The following NUP35 variants were observed in gnomAD, a reference collection of about 807,000 sequenced individuals.
The protein encoded by NUP35 is nucleoporin NUP35.
NUP35 carries 25 observed loss-of-function variants against 41.5 expected under a neutral mutation model. The ratio of observed to expected loss-of-function variants is 0.60; its 90% CI spans 0.44 to 0.84. The LOEUF (loss-of-function observed/expected upper bound fraction) is 0.84. NUP35 is among the 40% of genes least tolerant of loss of function. The pLI is 0.00. For missense variants in NUP35, 396 were observed against 396.6 expected, an observed-to-expected ratio of 1.00 and a Z score of 0.01; for synonymous variants, 149 against 130.7, an observed-to-expected ratio of 1.14 and a Z score of -0.96.
intron 4 of NUP35, among the ~76,000 whole-genome samples, chr2:183,137,842 G>T (rs892863863): frequency 7.6e-4 from 115 of 151,194 alleles, no homozygotes; most frequent in African/African-American, 2.7e-3. Flanking sequence ...ACATTTTAGT[G>T]GCTCTCTTAG....
chr2:183,133,251 C>G (rs1684756179), intron 3 of NUP35, among the ~76,000 whole-genome samples: 1 of 151,410 alleles, frequency 6.6e-6, no homozygotes, highest in Admixed American at 6.6e-5. Context: ...ACCATTATCT[C>G]TGTTATTTCA....
At chr2:183,159,214 T>A (rs1685780613) in intron 7 of NUP35, among the ~76,000 whole-genome samples, 1 of 152,152 alleles carries the variant, frequency 6.6e-6, no homozygotes, top group Non-Finnish European at 1.5e-5. Context: ...CCTTGCTGAT[T>A]TTTCATAGTG....
chr2:183,157,169 A>G (rs1185481455), intron 5 of NUP35, among the ~76,000 whole-genome samples: 1 of 152,210 alleles, frequency 6.6e-6, no homozygotes, highest in Non-Finnish European at 1.5e-5. Context: ...TAAGACCTGG[A>G]TAATGGCAAC....
rs1167235351 is a variant in NUP35 at position 183,130,469 on chromosome 2, C to T, written c.263C>T (p.Ala88Val). 1 of 1,610,416 alleles carries T rather than the reference C, an allele frequency of 6.2e-7. No individual in the cohort carries two copies. The highest frequency in any genetic ancestry group is 1.1e-5 in the South Asian group (1 of 90,986). Residue 88 changes from alanine to valine, a missense_variant, in exon 3 of 9, where the codon GCT (alanine) becomes GTT (valine). By Grantham distance (64) the Ala-to-Val change is moderately conservative (BLOSUM62 0). Coordinates refer to ENST00000295119, the MANE Select transcript of NUP35 (RefSeq NM_138285.5). ...VVPAHKDKSG[A>V]PPVRSIYDDI... ...CCAGCTCATAAAGATAAAAGTGGCG[C>T]TCCACCAGTTAGAAGTATATATGAT...
intron 5 of NUP35, among the ~76,000 whole-genome samples, chr2:183,153,888 A>G (rs1685556208): frequency 6.6e-6 from 1 of 152,102 alleles, no homozygotes; most frequent in East Asian, 1.9e-4. Flanking sequence ...TGAGGGCCCC[A>G]CCCCTGCAGC....
intron 4 of NUP35, among the ~76,000 whole-genome samples, chr2:183,138,269 A>ATATTTTTT: frequency 2.5e-5 from 2 of 80,690 alleles, no homozygotes; most frequent in African/African-American, 1.2e-4. Context: ...ATATATATAT[A>ATATTTTTT]TTTTTTTTTT....
intron 4 of NUP35, among the ~76,000 whole-genome samples, chr2:183,135,498 C>T (rs1174463528): frequency 6.6e-6 from 1 of 152,064 alleles, no homozygotes; most frequent in Non-Finnish European, 1.5e-5. Flanking sequence ...GGTCTTTACC[C>T]AGAAAAGGTG....
Position 183,152,247 on chromosome 2 carries a change from T to G in NUP35, c.539+598T>G, listed in dbSNP as rs572106761. On this transcript the variant is annotated intron_variant, in intron 5 of 8. Coordinates refer to ENST00000295119, the MANE Select transcript of NUP35 (RefSeq NM_138285.5). Reference sequence around the variant, plus strand: ...CTTGTTACATTTTTGAATAGATTTTTAGGTCCAAAAAAAACTTTAAAATGC... The same window carrying G: ...CTTGTTACATTTTTGAATAGATTTTGAGGTCCAAAAAAAACTTTAAAATGC... Among the ~76,000 whole-genome samples the G allele has an allele frequency of 1.4e-4, 22 of 152,280 alleles. No individual in the cohort carries two copies. In the East Asian group the frequency reaches 4.2e-3, roughly 29 times the overall value.
At chr2:183,150,229 A>C (rs898352404) in intron 4 of NUP35, among the ~76,000 whole-genome samples, 1 of 152,060 alleles carries the variant, frequency 6.6e-6, no homozygotes, top group African/African-American at 2.4e-5. Context: ...TTTACTATCA[A>C]AGTTTTAGTC....
intron 4 of NUP35, among the ~76,000 whole-genome samples, chr2:183,135,369 A>G (rs1300042821): frequency 6.6e-6 from 1 of 152,138 alleles, no homozygotes; most frequent in Non-Finnish European, 1.5e-5. Context: ...TCAAGGAAGA[A>G]TAAGGGGATG....
rs369130221 is a variant in NUP35, at chr2:183,126,140, A to G, written c.40+1643A>G. Among the ~76,000 whole-genome samples, 134 of 152,122 alleles carry G rather than the reference A, an allele frequency of 8.8e-4. 4 individuals carry two copies. In the South Asian group the frequency reaches 0.026, roughly 29 times the overall value. Reference sequence around the variant, plus strand: ...CAACCTCCCCCTCCGGGCTCAAGCAATCCTCCCACCTCAGCCTCCCAGGGG... The same window carrying G: ...CAACCTCCCCCTCCGGGCTCAAGCAGTCCTCCCACCTCAGCCTCCCAGGGG... On this transcript the variant is annotated intron_variant, in intron 1 of 8. Coordinates refer to ENST00000295119, the MANE Select transcript of NUP35 (RefSeq NM_138285.5).
intron 1 of NUP35, among the ~76,000 whole-genome samples, chr2:183,127,744 C>T (rs896329240): frequency 2.0e-5 from 3 of 152,096 alleles, no homozygotes; most frequent in African/African-American, 7.2e-5. Flanking sequence ...TTTTAAACCC[C>T]TGAAATAATG....
At chr2:183,139,378 T>C (rs1158781362) in intron 4 of NUP35, among the ~76,000 whole-genome samples, 1 of 152,054 alleles carries the variant, frequency 6.6e-6, no homozygotes, top group Admixed American at 6.6e-5. Flanking sequence ...TACCCAGCCC[T>C]TTGTAAATGT....
At chr2:183,141,415 C>T (rs1455323665) in intron 4 of NUP35, among the ~76,000 whole-genome samples, 5 of 152,166 alleles carry the variant, frequency 3.3e-5, no homozygotes, top group Admixed American at 6.6e-5. Flanking sequence ...TAGCCAGCCA[C>T]GTCATCATAT....
At chr2:183,129,726 C>T (rs2705724) in intron 2 of NUP35, among the ~76,000 whole-genome samples, 28,772 of 151,976 alleles carry the variant, frequency 0.19, 3,618 homozygotes, top group African/African-American at 0.34. Context: ...AGTGAGCGAG[C>T]GCTATAAACC....
intron 5 of NUP35, among the ~76,000 whole-genome samples, chr2:183,151,927 T>G (rs1245883149): frequency 6.6e-6 from 1 of 152,154 alleles, no homozygotes; most frequent in African/African-American, 2.4e-5. Context: ...TGATATTTGT[T>G]TGTAGTTTTT....
chr2:183,157,621 T>C (rs1261562289), intron 6 of NUP35, 108 bp downstream of exon 6: 2 of 780,476 alleles, frequency 2.6e-6, no homozygotes, highest in South Asian at 1.6e-5. Flanking sequence ...CTTAAATTTT[T>C]TTTTGAGTTT....
At chr2:183,128,479 A>G (rs750713148) in intron 2 of NUP35, 22 bp downstream of exon 2, 3 of 1,600,118 alleles carry the variant, frequency 1.9e-6, no homozygotes, top group Non-Finnish European at 1.7e-6. Flanking sequence ...GCTTAAAATA[A>G]TTTTATAGAC....
intron 4 of NUP35, among the ~76,000 whole-genome samples, chr2:183,145,094 A>G (rs1252717365): frequency 6.6e-6 from 1 of 152,174 alleles, no homozygotes. Flanking sequence ...TCAGTTTGTT[A>G]ATGGAATGTC....
Sources: gnomAD v4.1 joint callset for allele counts (sites outside exome capture counted in the v4.1 genomes callset) on GRCh38, gnomAD v4.1.1 for gene constraint, MANE v1.5 for transcripts, NCBI Gene and HGNC (gene_info 2026-07-23, HGNC 2026-07-21) for gene names.